Variants in TNKS observed in about 807,000 individuals in gnomAD.
TNKS encodes the protein tankyrase.
TNKS carries 72 observed loss-of-function variants against 135.8 expected under a neutral mutation model. The observed-to-expected ratio is 0.53, with a 90% CI of 0.44 to 0.64. The LOEUF (loss-of-function observed/expected upper bound fraction) is 0.64. Ranked by LOEUF, TNKS falls within the 30% of genes least tolerant of loss-of-function variation. TNKS has a pLI of 0.00. For synonymous variants in TNKS, 849 were observed against 649.3 expected (o/e 1.31, Z -4.68); for missense variants, 1,769 against 1,674.0 (o/e 1.06, Z -0.99).
Position 9,779,414 on chromosome 8 carries a change from C to T in TNKS, c.*2678C>T, listed in dbSNP as rs532380859. On this transcript the variant is annotated 3_prime_UTR_variant, in exon 27 of 27. Transcript: ENST00000310430. ...ACCCCGAAATGGCCCCTCTGTTTCC[C>T]TAACCACATGGAAGAAAGAATCTGA... 4.6e-5 allele frequency: 7 copies of T among 152,308 alleles called. No individual in the cohort carries two copies. Among genetic ancestry groups the T allele is most frequent in the Admixed American group, 4.6e-4 (7 of 15,296 alleles). The allele number at this position is 152,308 out of a possible 1,614,324, so 9.4% of individuals were successfully genotyped here. A position where few individuals can be genotyped will look rare whatever the true frequency, so the allele number is the denominator to read the frequency against.
intron 1 of TNKS, among the ~76,000 whole-genome samples, chr8:9,567,023 G>T: frequency 6.6e-6 from 1 of 152,180 alleles, no homozygotes; most frequent in East Asian, 1.9e-4. Context: ...CTACTCAAAT[G>T]GAAAGTTGAT....
chr8:9,604,396 G>C (rs893882797), intron 2 of TNKS, among the ~76,000 whole-genome samples: 2 of 152,092 alleles, frequency 1.3e-5, no homozygotes, highest in Non-Finnish European at 2.9e-5. Flanking sequence ...ATAGGAATAT[G>C]GGGTTTTTAC....
intron 3 of TNKS, among the ~76,000 whole-genome samples, chr8:9,624,616 T>C (rs1012501215): frequency 5.3e-5 from 8 of 152,202 alleles, no homozygotes; most frequent in Non-Finnish European, 1.2e-4. Context: ...ACATACTGTT[T>C]TGTACTTTTC....
chr8:9,759,116 A>G (rs1807006622), intron 20 of TNKS, among the ~76,000 whole-genome samples: 2 of 152,034 alleles, frequency 1.3e-5, no homozygotes, highest in Admixed American at 6.5e-5. Context: ...TCTCATCACC[A>G]TTGCTGTATT....
chr8:9,616,065 G>C (rs184304174), intron 3 of TNKS, among the ~76,000 whole-genome samples: 2 of 152,216 alleles, frequency 1.3e-5, no homozygotes, highest in Admixed American at 1.3e-4. Context: ...GCTGCCTGCT[G>C]CCTTATTTCT....
At chr8:9,759,993 A>AAC (rs1491105465) in intron 20 of TNKS, among the ~76,000 whole-genome samples, 1 of 141,022 alleles carries the variant, frequency 7.1e-6, no homozygotes, top group African/African-American at 2.7e-5. Flanking sequence ...AAAACAAAAC[A>AAC]AAAAAAAAAA....
At chr8:9,583,422 C>T (rs1460315032) in intron 2 of TNKS, among the ~76,000 whole-genome samples, 2 of 152,118 alleles carry the variant, frequency 1.3e-5, no homozygotes, top group Non-Finnish European at 1.5e-5. Flanking sequence ...TTTATCTTTG[C>T]TTCTCCCTAC....
chr8:9,673,877 TA>T (rs1016686003), intron 3 of TNKS, among the ~76,000 whole-genome samples: 7 of 152,160 alleles, frequency 4.6e-5, no homozygotes, highest in African/African-American at 1.7e-4. Flanking sequence ...TTTTTTCTTT[TA>T]AAAAAATGTT....
At chr8:9,636,055 T>C (rs1385856279) in intron 3 of TNKS, among the ~76,000 whole-genome samples, 1 of 152,186 alleles carries the variant, frequency 6.6e-6, no homozygotes, top group Non-Finnish European at 1.5e-5. Context: ...TTTTAAAAAA[T>C]AGGCACTGAA....
At chr8:9,588,418 G>A (rs1798468589) in intron 2 of TNKS, among the ~76,000 whole-genome samples, 1 of 152,046 alleles carries the variant, frequency 6.6e-6, no homozygotes, top group Non-Finnish European at 1.5e-5. Context: ...GGGACTACAG[G>A]CACCCGCCAC....
intron 26 of TNKS, among the ~76,000 whole-genome samples, chr8:9,772,168 G>GAATT (rs146543362): frequency 0.015 from 2,342 of 151,132 alleles, 63 homozygotes; most frequent in African/African-American, 0.053. Flanking sequence ...GACCAGGCAA[G>GAATT]AATTATTAAT....
At chr8:9,698,890 C>T (rs1221238387) in intron 5 of TNKS, among the ~76,000 whole-genome samples, 8 of 152,170 alleles carry the variant, frequency 5.3e-5, no homozygotes, top group Admixed American at 4.6e-4. Flanking sequence ...TATAGGACTT[C>T]CTTAAGACCT....
intron 20 of TNKS, among the ~76,000 whole-genome samples, chr8:9,753,892 T>C (rs185758123): frequency 6.6e-6 from 1 of 152,368 alleles, no homozygotes; most frequent in Admixed American, 6.5e-5. Flanking sequence ...AGTCTACATA[T>C]GTATTCAGTT....
chr8:9,575,461 C>T lies in TNKS; in HGVS notation c.674-4698C>T, dbSNP rs567515513. 3.1e-6 allele frequency: 3 copies of T among 974,358 alleles called. No individual in the cohort carries two copies. In the African/African-American group the frequency reaches 5.3e-5, roughly 17 times the overall value. 60.4% of individuals were successfully genotyped at this position (974,358 alleles called of 1,614,324 possible). The stretch of plus-strand genomic sequence containing the variant: ...TTCTAAAGTTATACTAACAAATAGA[C>T]AAACTGACCAACCAAAAAGAAAAGA... On this transcript the variant is annotated intron_variant, in intron 1 of 26. Transcript: ENST00000310430.
At chr8:9,733,071 A>C (rs1221243807) in intron 14 of TNKS, among the ~76,000 whole-genome samples, 1 of 152,228 alleles carries the variant, frequency 6.6e-6, no homozygotes, top group East Asian at 1.9e-4. Flanking sequence ...TTAGGAAAAA[A>C]TCTTTACATT....
intron 3 of TNKS, 88 bp from the exon 4 acceptor site, chr8:9,679,863 T>A: frequency 9.1e-7 from 1 of 1,100,516 alleles, no homozygotes; most frequent in Non-Finnish European, 1.4e-6. Flanking sequence ...TCTGTTCTTC[T>A]CTATTTAATT....
intron 1 of TNKS, among the ~76,000 whole-genome samples, chr8:9,577,912 C>T (rs778656317): frequency 2.9e-4 from 44 of 152,238 alleles, no homozygotes; most frequent in Admixed American, 1.6e-3. Context: ...TTACAAGATA[C>T]AGTGGGCGTA....
intron 16 of TNKS, 111 bp from the exon 17 acceptor site, chr8:9,735,266 T>G: frequency 2.6e-6 from 3 of 1,168,742 alleles, no homozygotes; most frequent in Non-Finnish European, 3.6e-6. Context: ...AGTATTAGCT[T>G]TTGAAGCAAA....
intron 17 of TNKS, among the ~76,000 whole-genome samples, chr8:9,746,654 C>G (rs368044517): frequency 6.6e-6 from 1 of 152,092 alleles, no homozygotes; most frequent in African/African-American, 2.4e-5. Context: ...TATTCCATTT[C>G]GTAATCTCCC....
Sources: gnomAD v4.1 joint callset for allele counts (sites outside exome capture counted in the v4.1 genomes callset) on GRCh38, gnomAD v4.1.1 for gene constraint, MANE v1.5 for transcripts, NCBI Gene and HGNC (gene_info 2026-07-23, HGNC 2026-07-21) for gene names.